The following UNC5D variants were observed in gnomAD, a reference collection of about 807,000 sequenced individuals.
The protein encoded by UNC5D is netrin receptor UNC5D.
In UNC5D, 39 loss-of-function variants were observed where a neutral mutation model predicts 105.4. The observed-to-expected ratio is 0.37, with a 90% CI of 0.29 to 0.48. The LOEUF (loss-of-function observed/expected upper bound fraction) is 0.48. Ranked by LOEUF, UNC5D falls within the 20% of genes least tolerant of loss-of-function variation. The pLI, the probability that UNC5D is intolerant of heterozygous loss-of-function variation, is 0.98. For missense variants in UNC5D, 991 were observed against 1,202.4 expected (o/e 0.82, Z 2.60); for synonymous variants, 452 against 450.4 (o/e 1.00, Z -0.04).
At chr8:35,349,990 C>T (rs1408884394) in intron 1 of UNC5D, among the ~76,000 whole-genome samples, 1 of 151,916 alleles carries the variant, frequency 6.6e-6, no homozygotes, top group Admixed American at 6.6e-5. Context: ...ACCATCTGTG[C>T]AATATCAGTG....
intron 4 of UNC5D, among the ~76,000 whole-genome samples, chr8:35,678,919 GC>G (rs1171625002): frequency 1.3e-5 from 2 of 151,254 alleles, no homozygotes; most frequent in African/African-American, 2.4e-5. Flanking sequence ...AAATTCATAA[GC>G]CCATAATGAC....
chr8:35,384,331 C>G (rs1329034922), intron 1 of UNC5D, among the ~76,000 whole-genome samples: 1 of 152,106 alleles, frequency 6.6e-6, no homozygotes, highest in African/African-American at 2.4e-5. Flanking sequence ...CACCTAGGGG[C>G]TCAATGTGTA....
intron 8 of UNC5D, chr8:35,721,354 G>C (rs774513733): frequency 1.4e-6 from 1 of 696,024 alleles, no homozygotes; most frequent in African/African-American, 1.8e-5. Context: ...CTAGAAAAAA[G>C]GGTGAAAAGC....
At chr8:35,239,585 A>C (rs1310565003) in intron 1 of UNC5D, among the ~76,000 whole-genome samples, 1 of 151,754 alleles carries the variant, frequency 6.6e-6, no homozygotes, top group African/African-American at 2.4e-5. Context: ...GCATCCTCTT[A>C]AGGAAGGGGG....
rs1819441881 is a variant in UNC5D at position 35,595,607 on chromosome 8, G to A, written c.520G>A (p.Gly174Ser). ...ACAAGGAAGGGAAGTTCCCATTGAA[G>A]GCATGATTGTACTGCACTGCCGCCC... is the stretch of plus-strand genomic sequence containing the variant. The part of the protein sequence containing the change: ...DPQGREVPIE[G>S]MIVLHCRPPE... Residue 174 changes from glycine (G) to serine (S), a missense_variant, in exon 4 of 17, where the codon GGC (glycine) becomes AGC (serine). Physicochemically the swap from Gly to Ser is moderately conservative, Grantham distance 56. Transcript: ENST00000404895. 4.3e-6 allele frequency: 7 copies of A among 1,614,094 alleles called. No homozygotes were observed. The highest frequency in any genetic ancestry group is 5.1e-6 in the Non-Finnish European group (6 of 1,179,980).
intron 1 of UNC5D, among the ~76,000 whole-genome samples, chr8:35,239,137 A>G (rs1802647265): frequency 6.6e-6 from 1 of 152,130 alleles, no homozygotes; most frequent in African/African-American, 2.4e-5. Flanking sequence ...AATTGTTCTG[A>G]CCTAGCCCTA....
intron 1 of UNC5D, among the ~76,000 whole-genome samples, chr8:35,252,123 C>T (rs556385009): frequency 5.0e-4 from 76 of 151,004 alleles, no homozygotes; most frequent in African/African-American, 1.7e-3. Flanking sequence ...ACGGGGTTCA[C>T]GCCATTCTCC....
At chr8:35,552,907 A>G (rs7833633) in intron 2 of UNC5D, among the ~76,000 whole-genome samples, 34,567 of 152,070 alleles carry the variant, frequency 0.23, 6,029 homozygotes, top group African/African-American at 0.48. Context: ...GCAAAAGGCT[A>G]CAAAACAATG....
rs1164249703 is a variant in UNC5D at position 35,544,878 on chromosome 8, C to CCCAG, written c.104-4414_104-4413insCCAG. Among the ~76,000 whole-genome samples the CCCAG allele has an allele frequency of 2.0e-5, 3 of 152,268 alleles. No homozygotes were observed. In the East Asian group the frequency reaches 5.8e-4, roughly 29 times the overall value. On this transcript the variant is annotated intron_variant, in intron 1 of 16. Transcript: ENST00000404895. ...TCTGCCTCCCAGAGTGCTGGGATTACAGGCATGAGCCACAGCACCTGGTCA... is the reference window on the plus strand; with the variant it reads ...TCTGCCTCCCAGAGTGCTGGGATTACCCAGAGGCATGAGCCACAGCACCTGGTCA...
At chr8:35,778,645 G>T (rs1322978568) in intron 16 of UNC5D, among the ~76,000 whole-genome samples, 2 of 152,102 alleles carry the variant, frequency 1.3e-5, no homozygotes, top group East Asian at 1.9e-4. Context: ...CTGCACTTTC[G>T]CCTGACTCTT....
intron 1 of UNC5D, among the ~76,000 whole-genome samples, chr8:35,453,096 A>G (rs1423161271): frequency 6.6e-6 from 1 of 152,152 alleles, no homozygotes; most frequent in Admixed American, 6.5e-5. Flanking sequence ...TCTTTTTTGA[A>G]TGCCCAATAT....
At chr8:35,349,614 A>C (rs1485584696) in intron 1 of UNC5D, among the ~76,000 whole-genome samples, 1 of 151,940 alleles carries the variant, frequency 6.6e-6, no homozygotes, top group Non-Finnish European at 1.5e-5. Context: ...TTTGGAGAAA[A>C]TGTCTGCTTA....
intron 1 of UNC5D, among the ~76,000 whole-genome samples, chr8:35,421,373 A>T (rs1008832869): frequency 4.1e-4 from 62 of 152,288 alleles, no homozygotes; most frequent in African/African-American, 1.3e-3. Context: ...GTATGGGGAA[A>T]GGGAGAAGAG....
At chr8:35,486,549 T>C (rs1810834601) in intron 1 of UNC5D, among the ~76,000 whole-genome samples, 1 of 152,200 alleles carries the variant, frequency 6.6e-6, no homozygotes, top group South Asian at 2.1e-4. Context: ...TTAATTATTA[T>C]TAACTAGGTT....
At chr8:35,558,019 G>A (rs945498402) in intron 2 of UNC5D, among the ~76,000 whole-genome samples, 1 of 151,432 alleles carries the variant, frequency 6.6e-6, no homozygotes, top group Non-Finnish European at 1.5e-5. Context: ...ATAATCCCTT[G>A]TGAGGCTGAG....
intron 1 of UNC5D, among the ~76,000 whole-genome samples, chr8:35,484,356 T>C (rs1340729806): frequency 1.3e-5 from 2 of 152,162 alleles, no homozygotes; most frequent in Non-Finnish European, 2.9e-5. Context: ...CCAGAATCTT[T>C]AGTTATTCTC....
intron 1 of UNC5D, among the ~76,000 whole-genome samples, chr8:35,399,749 G>A (rs926124127): frequency 6.6e-5 from 10 of 152,064 alleles, no homozygotes; most frequent in Non-Finnish European, 1.3e-4. Context: ...AAACTGGTGT[G>A]GATGTAGTTG....
At chr8:35,466,381 G>C (rs1585907268) in intron 1 of UNC5D, among the ~76,000 whole-genome samples, 2 of 152,214 alleles carry the variant, frequency 1.3e-5, no homozygotes, top group Non-Finnish European at 2.9e-5. Context: ...GTGTATGCAT[G>C]TGTGTGCCTA....
chr8:35,327,943 A>C (rs1164968134), intron 1 of UNC5D, among the ~76,000 whole-genome samples: 1 of 152,236 alleles, frequency 6.6e-6, no homozygotes, highest in African/African-American at 2.4e-5. Context: ...GATAGATGAC[A>C]GTCAGTGGGT....
Sources: gnomAD v4.1 joint callset for allele counts (sites outside exome capture counted in the v4.1 genomes callset) on GRCh38, gnomAD v4.1.1 for gene constraint, MANE v1.5 for transcripts, NCBI Gene and HGNC (gene_info 2026-07-23, HGNC 2026-07-21) for gene names.